The following RMDN1 variants were observed in gnomAD, a reference collection of about 807,000 sequenced individuals.
RMDN1 encodes the protein regulator of microtubule dynamics 1.
Under a neutral mutation model 48.9 loss-of-function variants are expected in RMDN1, and 48 were observed. The ratio of observed to expected loss-of-function variants is 0.98; its 90% CI spans 0.78 to 1.25. RMDN1 has a LOEUF of 1.25. Ranked by LOEUF, RMDN1 falls within the 50% of genes most tolerant of loss-of-function variation. The probability of loss-of-function intolerance (pLI) is 0.00; values close to 1 mark genes in which losing one functional copy is unlikely to be tolerated. For missense variants in RMDN1, 418 were observed against 373.4 expected (o/e 1.12, Z -0.98); for synonymous variants, 148 against 132.6 (o/e 1.12, Z -0.80).
At chr8:86,491,561 T>C (rs1040248391) in intron 2 of RMDN1, among the ~76,000 whole-genome samples, 1 of 152,214 alleles carries the variant, frequency 6.6e-6, no homozygotes, top group Non-Finnish European at 1.5e-5. Flanking sequence ...CTTGAAAATA[T>C]TTACAACTAA....
chr8:86,500,265 C>G (rs549185229), intron 2 of RMDN1, among the ~76,000 whole-genome samples: 6 of 151,986 alleles, frequency 3.9e-5, no homozygotes, highest in African/African-American at 1.4e-4. Flanking sequence ...TGAAAGAAAA[C>G]ATTTGCAAAC....
intron 3 of RMDN1, among the ~76,000 whole-genome samples, chr8:86,487,564 GACA>G (rs1352075833): frequency 1.3e-5 from 2 of 151,794 alleles, no homozygotes; most frequent in African/African-American, 4.8e-5. Context: ...CTCCAGCTTG[GACA>G]ACAAGAGCAA....
At chr8:86,499,487 A>G (rs1486416478) in intron 2 of RMDN1, among the ~76,000 whole-genome samples, 1 of 152,196 alleles carries the variant, frequency 6.6e-6, no homozygotes, top group Non-Finnish European at 1.5e-5. Context: ...AAATAATAAA[A>G]TACTTAGGAA....
rs199708809 is a variant in RMDN1 at position 86,477,332 on chromosome 8, AAAC to A, written c.730-11_730-9del. 1 of 1,584,844 alleles carries A rather than the reference AAAC, an allele frequency of 6.3e-7. No homozygotes were observed. Among genetic ancestry groups the A allele is most frequent in the Admixed American group, 1.9e-5 (1 of 53,260 alleles). ...GTGAAAGTAGCCTAAGGCCTGTCAA[AAAC>A]ACAAAGAGCCCAAACATAATAAAAA... On this transcript the variant is annotated splice_polypyrimidine_tract_variant and intron_variant, in intron 7 of 9. Transcript: ENST00000406452.
At chr8:86,470,072 G>A (rs1443484754), downstream of RMDN1, 2 of 997,468 alleles carry the variant, frequency 2.0e-6, no homozygotes, top group Non-Finnish European at 2.6e-6. Context: ...GAAATTGAGA[G>A]CTTTTAGGTT....
Position 86,478,986 on chromosome 8 carries a change from A to G in RMDN1, c.666T>C (p.Pro222=). The G allele has an allele frequency of 6.2e-7, 1 of 1,613,988 alleles. No homozygotes were observed. Among genetic ancestry groups the G allele is most frequent in the Non-Finnish European group, 8.5e-7 (1 of 1,179,864 alleles). Residue 222 remains proline (P), a synonymous_variant, in exon 7 of 10, where the codon CCT becomes CCC. Coordinates refer to ENST00000406452, the MANE Select transcript of RMDN1 (RefSeq NM_016033.3). Reference sequence around the variant, plus strand: ...TTTTAGCAATTCTTCTTTGATACCAAGGCATTTCGGCAAATGTATAGCACC... The same window carrying G: ...TTTTAGCAATTCTTCTTTGATACCAGGGCATTTCGGCAAATGTATAGCACC... ...GIWCYTFAEM[P]WYQRRIAKML... is the part of the protein sequence containing the mutation.
Position 86,508,601 on chromosome 8 carries a change from A to T in RMDN1, c.20T>A (p.Leu7Gln). Residue 7 changes from leucine to glutamine, a missense_variant, in exon 1 of 10, where the codon CTG becomes CAG. Leu to Gln is a moderately radical substitution (Grantham distance 113). Coordinates refer to ENST00000406452, the MANE Select transcript of RMDN1 (RefSeq NM_016033.3). ...ACGTCGGAAAGGCAGAAGGCGCCACAGTCGAGCAGCCAGCGCCATGACCTG... is the reference window on the plus strand; with the variant it reads ...ACGTCGGAAAGGCAGAAGGCGCCACTGTCGAGCAGCCAGCGCCATGACCTG... MALAAR[L>Q]WRLLPFRRGA... The T allele has an allele frequency of 6.2e-7, 1 of 1,604,056 alleles. No individual in the cohort carries two copies. The highest frequency in any genetic ancestry group is 8.5e-7 in the Non-Finnish European group (1 of 1,176,330).
chr8:86,506,244 T>A (rs1400531982), intron 2 of RMDN1, among the ~76,000 whole-genome samples: 1 of 152,206 alleles, frequency 6.6e-6, no homozygotes, highest in Non-Finnish European at 1.5e-5. Context: ...TAGGTGTTGA[T>A]TTTGTTTTAT....
chr8:86,508,718 G>C (rs1368930849), upstream of RMDN1: 8 of 1,330,490 alleles, frequency 6.0e-6, no homozygotes, highest in Non-Finnish European at 6.7e-6. Flanking sequence ...AACCGCGCCC[G>C]CCCGCCTCCT....
intron 5 of RMDN1, chr8:86,482,592 G>A (rs1586635991): frequency 2.7e-6 from 2 of 752,872 alleles, no homozygotes; most frequent in Non-Finnish European, 5.0e-6. Context: ...GTGAGTTTTT[G>A]TGACAACTGC....
Position 86,505,070 on chromosome 8 carries a change from C to A in RMDN1, c.247+1925G>T. On this transcript the variant is annotated intron_variant, in intron 2 of 9. Transcript: ENST00000406452. ...AGGAGACCACCACCAATGTCTAAGTCATGCCTCCTTCCACCTCCCTCCCAG... is the reference window on the plus strand; with the variant it reads ...AGGAGACCACCACCAATGTCTAAGTAATGCCTCCTTCCACCTCCCTCCCAG... 4 of 1,416,394 alleles carry A rather than the reference C, an allele frequency of 2.8e-6. No individual in the cohort carries two copies. In the South Asian group the frequency reaches 5.1e-5, roughly 18 times the overall value. The allele number at this position is 1,416,394 out of a possible 1,614,324, so 87.7% of individuals were successfully genotyped here.
At chr8:86,478,865 G>A in intron 7 of RMDN1, 58 bp downstream of exon 7, 7 of 1,343,424 alleles carry the variant, frequency 5.2e-6, no homozygotes, top group Non-Finnish European at 7.5e-6. Context: ...TGAACACATG[G>A]TAGAATGGCG....
chr8:86,468,305 A>T (rs971994728), downstream of RMDN1: 4 of 425,546 alleles, frequency 9.4e-6, no homozygotes, highest in Non-Finnish European at 1.4e-5. Context: ...ACATATTGAG[A>T]GTGTGTTCTC....
At chr8:86,505,642 T>C (rs1819199405) in intron 2 of RMDN1, among the ~76,000 whole-genome samples, 1 of 152,206 alleles carries the variant, frequency 6.6e-6, no homozygotes, top group Non-Finnish European at 1.5e-5. Flanking sequence ...ATGATGGAAA[T>C]GTTTATTTTT....
upstream of RMDN1, among the ~76,000 whole-genome samples, chr8:86,511,614 A>C (rs945746738): frequency 6.6e-6 from 1 of 152,174 alleles, no homozygotes; most frequent in African/African-American, 2.4e-5. Flanking sequence ...GTTTGACACC[A>C]GCCTGGGCAA....
chr8:86,479,037 C>T, intron 6 of RMDN1, 27 bp from the exon 7 acceptor site: 3 of 1,489,898 alleles, frequency 2.0e-6, no homozygotes, highest in South Asian at 1.1e-5. Flanking sequence ...CAATTTTATA[C>T]ATTCAAATTG....
rs1563612745 is a variant in RMDN1, at chr8:86,486,537, CTA to C, written c.440_441del (p.Leu147ArgfsTer11). ...TTTTCTAGTGCTCTTTTTGCATACT[CTA>C]GGGCTTCATACACCAATAGCTTTTT... Reference protein sequence around the residue: ...EEKKLLVYEALEYAKRALEKN... With the variant: ...EEKKLLVYEAXEYAKRALEKN... On this transcript the variant is annotated frameshift_variant, in exon 4 of 10. Coordinates refer to ENST00000406452, the MANE Select transcript of RMDN1 (RefSeq NM_016033.3). LOFTEE classifies it high-confidence loss of function. The C allele has an allele frequency of 5.0e-6, 8 of 1,612,034 alleles. No homozygotes were observed. In the South Asian group the frequency reaches 8.8e-5, roughly 18 times the overall value.
At chr8:86,513,512 G>T (rs748408033), upstream of RMDN1, among the ~76,000 whole-genome samples, 2 of 152,244 alleles carry the variant, frequency 1.3e-5, no homozygotes, top group African/African-American at 2.4e-5. Context: ...GAGCAGTCAT[G>T]TATCAATATT....
chr8:86,472,279 C>A, downstream of RMDN1: 1 of 607,768 alleles, frequency 1.6e-6, no homozygotes, highest in Admixed American at 3.0e-5. Context: ...TCAAAACTTT[C>A]TGAGCACCAA....
Sources: allele counts gnomAD v4.1 joint callset (sites outside exome capture counted in the v4.1 genomes callset), GRCh38; gene constraint gnomAD v4.1.1; transcripts MANE v1.5; gene names NCBI Gene and HGNC (gene_info 2026-07-23, HGNC 2026-07-21).